Variants in PLBD2 observed in about 807,000 individuals in gnomAD.
PLBD2 encodes the protein putative aminopeptidase PLBD2.
A neutral mutation model predicts 68.3 loss-of-function variants in PLBD2; 51 were observed. That is an observed-to-expected ratio of 0.75 (90% CI 0.60 to 0.94). The LOEUF (loss-of-function observed/expected upper bound fraction) is 0.94, where lower values mean the gene tolerates loss of function less well. Ranked by LOEUF, PLBD2 falls within the 40% of genes least tolerant of loss-of-function variation. The pLI is 0.00. For synonymous variants in PLBD2, 314 were observed against 339.3 expected (o/e 0.93, Z 0.82); for missense variants, 729 against 792.2 (o/e 0.92, Z 0.96).
chr12:113,366,263 G>A (rs920931569), intron 1 of PLBD2, among the ~76,000 whole-genome samples: 6 of 152,214 alleles, frequency 3.9e-5, no homozygotes, highest in Middle Eastern at 3.4e-3. Flanking sequence ...TCTCTTTAGC[G>A]TCTTCCTGTT....
Position 113,372,303 on chromosome 12 carries a change from A to G in PLBD2, c.385-346A>G, listed in dbSNP as rs71465900. ...GGTTATTGCTGTTTTGTTCCCTGCT[A>G]TGTCCTCAGTGCTTAAAAAGGAACA... On this transcript the variant is annotated intron_variant, in intron 2 of 11. Transcript: ENST00000280800. This position sits in a 1 kb window ranked among gnomAD's most constrained non-coding sequence, Gnocchi z 4.2. Among the ~76,000 whole-genome samples the G allele has an allele frequency of 0.091, 13,871 of 151,968 alleles. 859 individuals carry two copies. The highest frequency in any genetic ancestry group is 0.21 in the East Asian group (1,076 of 5,156).
At chr12:113,368,023 A>T (rs2136904144) in intron 1 of PLBD2, among the ~76,000 whole-genome samples, 1 of 152,076 alleles carries the variant, frequency 6.6e-6, no homozygotes, top group South Asian at 2.1e-4. Flanking sequence ...CAGAGGTTGC[A>T]GTGAGCTGAG....
In PLBD2 at chr12:113,366,805, C is replaced by A. The variant is rs577656370; in HGVS notation, c.291-2311C>A. Among the ~76,000 whole-genome samples the A allele has an allele frequency of 3.8e-4, 55 of 144,972 alleles. 1 individual carries two copies. The South Asian group carries it at 0.012, about 33-fold the overall frequency. ...CTCCTTCCCTCCTCCTCCTCTCCCT[C>A]CCTCCCCCTTCCCTCCCCTTCTTTT... is the stretch of plus-strand genomic sequence containing the variant. On this transcript the variant is annotated intron_variant, in intron 1 of 11. Transcript: ENST00000280800.
At chr12:113,361,855 C>T (rs572883823) in intron 1 of PLBD2, among the ~76,000 whole-genome samples, 29 of 152,202 alleles carry the variant, frequency 1.9e-4, no homozygotes, top group African/African-American at 6.7e-4. Context: ...AGCACCTTAT[C>T]GACGAGGTTG....
chr12:113,358,798 G>T lies in PLBD2; in HGVS notation c.198G>T (p.Leu66=). ...CCTCCCGCAGCCGCTCGGTGCTCCT[G>T]GACGTCTCGGCGGGCCAGCTGCTTA... ...PPASRSRSVL[L]DVSAGQLLMV... is the part of the protein sequence containing the mutation. The change falls in exon 1 of 12, where the codon CTG becomes CTT. Residue 66 remains leucine (L), a synonymous_variant. Transcript: ENST00000280800. The T allele has an allele frequency of 6.7e-7, 1 of 1,488,988 alleles. No homozygotes were observed. Among genetic ancestry groups the T allele is most frequent in the South Asian group, 1.3e-5 (1 of 77,438 alleles). 92.2% of individuals were successfully genotyped at this position (1,488,988 alleles called of 1,614,324 possible). A position where few individuals can be genotyped will look rare whatever the true frequency, so the allele number is the denominator to read the frequency against.
chr12:113,385,022 G>T, intron 8 of PLBD2, 76 bp downstream of exon 8: 1 of 1,443,158 alleles, frequency 6.9e-7, no homozygotes. Context: ...AGCCGTGCTG[G>T]CGCTGTGCAG....
Position 113,358,588 on chromosome 12 carries a change from G to C in PLBD2, c.-13G>C. On this transcript the variant is annotated 5_prime_UTR_variant, in exon 1 of 12. Coordinates refer to ENST00000280800, the MANE Select transcript of PLBD2 (RefSeq NM_173542.4). The stretch of plus-strand genomic sequence containing the variant: ...CACGTGACCCGGGCTGCGGGGCGCA[G>C]CATTGTGCGGTCATGGTGGGCCAGA... The C allele has an allele frequency of 6.8e-7, 1 of 1,466,796 alleles. No homozygotes were observed. Among genetic ancestry groups the C allele is most frequent in the Non-Finnish European group, 8.9e-7 (1 of 1,118,746 alleles). The allele number at this position is 1,466,796 out of a possible 1,614,324, so 90.9% of individuals were successfully genotyped here.
At chr12:113,381,720 C>T (rs968309178) in intron 6 of PLBD2, among the ~76,000 whole-genome samples, 6 of 151,674 alleles carry the variant, frequency 4.0e-5, no homozygotes, top group African/African-American at 1.5e-4. Flanking sequence ...AGGAAACTTC[C>T]CTTCCATCAG....
In PLBD2 at chr12:113,369,183, G is replaced by A. The variant is rs1250398758; in HGVS notation, c.358G>A (p.Val120Met). ...CAGCTTGCAGGCCTATGCAGCCGGT[G>A]TGGTGGAGGCTGCTGTGTCGGAGGA... ...NDSLQAYAAG[V>M]VEAAVSEELI... Residue 120 changes from valine to methionine, a missense_variant, in exon 2 of 12, where the codon GTG becomes ATG. By Grantham distance (21) the Val-to-Met change is conservative. Transcript: ENST00000280800. 1.2e-6 allele frequency: 2 copies of A among 1,606,702 alleles called. No individual in the cohort carries two copies. The highest frequency in any genetic ancestry group is 2.2e-5 in the South Asian group (2 of 89,298).
chr12:113,362,744 G>A lies in PLBD2; in HGVS notation c.290+3854G>A, dbSNP rs183321042. On this transcript the variant is annotated intron_variant, in intron 1 of 11. Transcript: ENST00000280800. ...AGATTGGCAATTTTAGAGCAAACAA[G>A]CAGAAAGGACATACTCTCTGAATAA... Among the ~76,000 whole-genome samples, 259 of 151,710 alleles carry A rather than the reference G, an allele frequency of 1.7e-3. 1 individual carries two copies. Among genetic ancestry groups the A allele is most frequent in the African/African-American group, 6.0e-3 (248 of 41,430 alleles).
At position 113,372,249 on chromosome 12, in the gene PLBD2, G is replaced by A. The variant is rs1046612616; in HGVS notation, c.385-400G>A. 5.9e-5 allele frequency among the ~76,000 whole-genome samples: 9 copies of A among 152,006 alleles called. No individual in the cohort carries two copies. The highest frequency in any genetic ancestry group is 2.2e-4 in the African/African-American group (9 of 41,394). On this transcript the variant is annotated intron_variant, in intron 2 of 11. Coordinates refer to ENST00000280800, the MANE Select transcript of PLBD2 (RefSeq NM_173542.4). This position sits in a 1 kb window ranked among gnomAD's most constrained non-coding sequence, Gnocchi z 4.2. ...CATGAAGTCTGGGTGAAACTGCCAC[G>A]GCATTCTCTTGCCCAGTGGAATCAG...
rs940686308 is a variant in PLBD2, at chr12:113,359,021, G to A, written c.290+131G>A. ...GTTTCTCTGGGGGTCAGCTACTCCCGAGGCTGCAGCACCGCCCTGCGGGCC... is the reference window on the plus strand; with the variant it reads ...GTTTCTCTGGGGGTCAGCTACTCCCAAGGCTGCAGCACCGCCCTGCGGGCC... On this transcript the variant is annotated intron_variant, in intron 1 of 11. Transcript: ENST00000280800. 8 of 1,047,496 alleles carry A rather than the reference G, an allele frequency of 7.6e-6. No homozygotes were observed. The African/African-American group carries it at 8.6e-5, about 11-fold the overall frequency. 64.9% of individuals were successfully genotyped at this position (1,047,496 alleles called of 1,614,324 possible). A position where few individuals can be genotyped will look rare whatever the true frequency, so the allele number is the denominator to read the frequency against.
At chr12:113,382,865 GTGTT>G (rs1420259451) in intron 6 of PLBD2, among the ~76,000 whole-genome samples, 7 of 103,402 alleles carry the variant, frequency 6.8e-5, no homozygotes, top group East Asian at 2.5e-4. Flanking sequence ...GTGTGTGTGT[GTGTT>G]TTTTTTTTTT....
intron 5 of PLBD2, among the ~76,000 whole-genome samples, chr12:113,378,895 G>T (rs1957457868): frequency 6.6e-6 from 1 of 152,128 alleles, no homozygotes; most frequent in African/African-American, 2.4e-5. Context: ...TGTTGGTAAG[G>T]CTGGTCTCAA....
rs777585011 is a variant in PLBD2 at position 113,358,628 on chromosome 12, G to A, written c.28G>A (p.Gly10Ser). The A allele has an allele frequency of 2.0e-6, 3 of 1,468,068 alleles. No individual in the cohort carries two copies. Among genetic ancestry groups the A allele is most frequent in the Non-Finnish European group, 2.7e-6 (3 of 1,117,318 alleles). The allele number at this position is 1,468,068 out of a possible 1,614,324, so 90.9% of individuals were successfully genotyped here. The change falls in exon 1 of 12, where the codon GGC becomes AGC. Residue 10 changes from glycine (G) to serine (S), a missense_variant. Gly to Ser is a moderately conservative substitution (Grantham distance 56, BLOSUM62 0). Transcript: ENST00000280800. MVGQMYCYP[G>S]SHLARALTRA... ...GGTGGGCCAGATGTACTGCTACCCC[G>A]GCAGCCACCTGGCCCGGGCGCTGAC...
intron 1 of PLBD2, among the ~76,000 whole-genome samples, chr12:113,362,550 G>C (rs984168392): frequency 1.3e-5 from 2 of 150,948 alleles, no homozygotes; most frequent in African/African-American, 4.9e-5. Flanking sequence ...AGAGACATTA[G>C]CTGCCCCTGG....
intron 1 of PLBD2, among the ~76,000 whole-genome samples, chr12:113,361,746 G>C (rs1251210085): frequency 6.6e-6 from 1 of 152,096 alleles, no homozygotes; most frequent in African/African-American, 2.4e-5. Flanking sequence ...ATGTCACTAG[G>C]AGCAGAGCCT....
rs768977092 is a variant in PLBD2, at chr12:113,387,925, G to A, written c.1602+19G>A. On this transcript the variant is annotated intron_variant, in intron 11 of 11. Coordinates refer to ENST00000280800, the MANE Select transcript of PLBD2 (RefSeq NM_173542.4). The stretch of plus-strand genomic sequence containing the variant: ...TGTGAAGGTGCTGCCTCCTCCCTAG[G>A]GCCTGAGCTGTGGGTGGGGGAAGTC... 1.2e-6 allele frequency: 2 copies of A among 1,611,302 alleles called. No homozygotes were observed. The highest frequency in any genetic ancestry group is 2.2e-5 in the East Asian group (1 of 44,782).
chr12:113,372,581 TG>T lies in PLBD2; in HGVS notation c.385-62del. 2 of 1,540,788 alleles carry T rather than the reference TG, an allele frequency of 1.3e-6. No homozygotes were observed. Among genetic ancestry groups the T allele is most frequent in the Non-Finnish European group, 8.8e-7 (1 of 1,130,930 alleles). On this transcript the variant is annotated intron_variant, in intron 2 of 11. Transcript: ENST00000280800. The surrounding 1 kb of genome is among the most constrained non-coding windows in gnomAD (Gnocchi z 4.2). ...AGCCTCCGCTCTGGGGCAGCCTGGGTGGGGGGCTCTCAGGGAAGAGAGCACC... is the reference window on the plus strand; with the variant it reads ...AGCCTCCGCTCTGGGGCAGCCTGGGTGGGGGCTCTCAGGGAAGAGAGCACC...
Sources: gnomAD v4.1 joint callset for allele counts (sites outside exome capture counted in the v4.1 genomes callset) on GRCh38, gnomAD v4.1.1 for gene constraint, Gnocchi (gnomAD v3.1) non-coding constraint, MANE v1.5 for transcripts, NCBI Gene and HGNC (gene_info 2026-07-23, HGNC 2026-07-21) for gene names.